Variants in ZNF676 observed in about 807,000 individuals in gnomAD.
The protein encoded by ZNF676 is zinc finger protein 676.
Under a neutral mutation model 6.0 loss-of-function variants are expected in ZNF676, and 4 were observed. That is an observed-to-expected ratio of 0.67 (90% CI 0.33 to 1.53). The LOEUF is 1.53. Ranked by LOEUF, ZNF676 falls within the 40% of genes most tolerant of loss-of-function variation. The pLI, the probability that ZNF676 is intolerant of heterozygous loss-of-function variation, is 0.06. For synonymous variants in ZNF676, 198 were observed against 223.1 expected, an observed-to-expected ratio of 0.89 and a Z score of 1.00; for missense variants, 644 against 679.7, an observed-to-expected ratio of 0.95 and a Z score of 0.58.
At chr19:22,215,898 A>G (rs1208180933), upstream of ZNF676, among the ~76,000 whole-genome samples, 3 of 151,634 alleles carry the variant, frequency 2.0e-5, no homozygotes, top group Non-Finnish European at 2.9e-5. Context: ...GTGACAGAAG[A>G]TGTGATCAGA....
the ZNF676 span, among the ~76,000 whole-genome samples, chr19:22,237,959 T>C: frequency 6.6e-6 from 1 of 152,176 alleles, no homozygotes; most frequent in Non-Finnish European, 1.5e-5. Context: ...CACAATTTCA[T>C]CTACAGGAGA....
At chr19:22,254,689 G>T in the ZNF676 span, among the ~76,000 whole-genome samples, 1 of 152,178 alleles carries the variant, frequency 6.6e-6, no homozygotes. Flanking sequence ...TTTGGTCCAG[G>T]CAGGAGAGGA....
chr19:22,248,211 T>C, the ZNF676 span, among the ~76,000 whole-genome samples: 1 of 152,216 alleles, frequency 6.6e-6, no homozygotes, highest in Non-Finnish European at 1.5e-5. Flanking sequence ...TAAACATATG[T>C]GTGCATGTGT....
At chr19:22,216,819 C>G (rs926594998), upstream of ZNF676, among the ~76,000 whole-genome samples, 1 of 151,386 alleles carries the variant, frequency 6.6e-6, no homozygotes, top group Non-Finnish European at 1.5e-5. Flanking sequence ...CCCTGTAGTA[C>G]CAGCTATTCG....
At chr19:22,251,358 C>CTGT in the ZNF676 span, among the ~76,000 whole-genome samples, 1 of 152,174 alleles carries the variant, frequency 6.6e-6, no homozygotes, top group Non-Finnish European at 1.5e-5. Context: ...TATGGTACAC[C>CTGT]TGTTGTTACA....
At chr19:22,225,501 AT>A in the ZNF676 span, among the ~76,000 whole-genome samples, 1 of 152,172 alleles carries the variant, frequency 6.6e-6, no homozygotes. Flanking sequence ...TTACAATTTT[AT>A]TTTTAATTAT....
At chr19:22,209,210 T>G (rs568806327) in intron 1 of ZNF676, among the ~76,000 whole-genome samples, 2 of 151,672 alleles carry the variant, frequency 1.3e-5, no homozygotes, top group South Asian at 4.2e-4. Context: ...TGCAGTGAAC[T>G]GAGATCATGC....
chr19:22,243,892 T>C, the ZNF676 span: 1 of 152,248 alleles, frequency 6.6e-6, no homozygotes, highest in African/African-American at 2.4e-5. Context: ...GCTTTTGCCA[T>C]GTGTAAGGGT....
At chr19:22,197,390 TGGAA>T (rs2023978557), upstream of ZNF676, among the ~76,000 whole-genome samples, 1 of 151,522 alleles carries the variant, frequency 6.6e-6, no homozygotes. Context: ...ATTATTCAGA[TGGAA>T]TAGACATGTT....
the ZNF676 span, among the ~76,000 whole-genome samples, chr19:22,253,268 A>G: frequency 6.6e-6 from 1 of 151,584 alleles, no homozygotes. Flanking sequence ...CTGGGTACAT[A>G]TATGAGTGTC....
intron 2 of ZNF676, among the ~76,000 whole-genome samples, chr19:22,190,980 AC>A: frequency 6.6e-6 from 1 of 152,176 alleles, no homozygotes; most frequent in South Asian, 2.1e-4. Context: ...TATTTGCTTA[AC>A]CCCCAACAGC....
At chr19:22,252,120 C>A in the ZNF676 span, among the ~76,000 whole-genome samples, 1 of 152,096 alleles carries the variant, frequency 6.6e-6, no homozygotes, top group Non-Finnish European at 1.5e-5. Flanking sequence ...CCTGGCTGGG[C>A]ATGGTGGTTC....
Position 22,215,580 on chromosome 19 carries a change from G to A in ZNF676, c.3+52C>T, listed in dbSNP as rs145270911. ...GTCCCGCCACAGCCACTTCCCGCCG[G>A]TTCCAACCAGCCCAGGCCACTCTCT... On this transcript the variant is annotated intron_variant, in intron 1 of 3. Transcript: ENST00000650058. 3.1e-6 allele frequency: 5 copies of A among 1,602,194 alleles called. No individual in the cohort carries two copies. In the Admixed American group the frequency reaches 6.7e-5, roughly 22 times the overall value.
upstream of ZNF676, among the ~76,000 whole-genome samples, chr19:22,218,948 T>C (rs2024221244): frequency 6.6e-6 from 1 of 151,666 alleles, no homozygotes; most frequent in African/African-American, 2.4e-5. Flanking sequence ...TTTTGTTTTG[T>C]TTTGTTTTCC....
chr19:22,202,098 G>A (rs1443350905), intron 1 of ZNF676, among the ~76,000 whole-genome samples: 1 of 151,918 alleles, frequency 6.6e-6, no homozygotes, highest in East Asian at 1.9e-4. Context: ...TGCAAATTCA[G>A]GTCCTGCATG....
intron 2 of ZNF676, among the ~76,000 whole-genome samples, chr19:22,187,648 G>C (rs1316085542): frequency 4.0e-5 from 6 of 149,954 alleles, no homozygotes; most frequent in Non-Finnish European, 7.4e-5. Flanking sequence ...AGAAAGGAGA[G>C]AAGAATCAAA....
the ZNF676 span, chr19:22,245,221 G>A: frequency 1.3e-5 from 2 of 152,182 alleles, no homozygotes; most frequent in African/African-American, 4.8e-5. Flanking sequence ...TGTGAATAGG[G>A]CTCAGGAAGA....
chr19:22,197,149 C>A (rs1229810347), upstream of ZNF676, among the ~76,000 whole-genome samples: 1 of 151,838 alleles, frequency 6.6e-6, no homozygotes, highest in East Asian at 1.9e-4. Flanking sequence ...ATGGTGAAAC[C>A]CCGTCTCTAC....
chr19:22,199,929 C>T (rs182741879), upstream of ZNF676, among the ~76,000 whole-genome samples: 258 of 152,052 alleles, frequency 1.7e-3, 2 homozygotes, highest in Middle Eastern at 0.024. Flanking sequence ...TGTTGAACAC[C>T]AGCTCTAAAA....
Sources: allele counts gnomAD v4.1 joint callset (sites outside exome capture counted in the v4.1 genomes callset), GRCh38; gene constraint gnomAD v4.1.1; transcripts MANE v1.5; gene names NCBI Gene and HGNC (gene_info 2026-07-23, HGNC 2026-07-21).